ZNF385A: variants seen among roughly 807,000 people sequenced by gnomAD.
ZNF385A encodes zinc finger protein 385A, also known as hematopoietic zinc finger protein.
ZNF385A carries 14 observed loss-of-function variants against 32.1 expected under a neutral mutation model. That is an observed-to-expected ratio of 0.44 (90% CI 0.29 to 0.68). The LOEUF (loss-of-function observed/expected upper bound fraction) is 0.68. Among genes scored for constraint, ZNF385A ranks in the 30% least tolerant of loss-of-function variants. The probability of loss-of-function intolerance (pLI) is 0.14; values close to 1 mark genes in which losing one functional copy is unlikely to be tolerated. For missense variants in ZNF385A, 406 were observed against 478.4 expected, an observed-to-expected ratio of 0.85 and a Z score of 1.41; for synonymous variants, 197 against 202.7, an observed-to-expected ratio of 0.97 and a Z score of 0.24.
At chr12:54,387,644 G>A (rs1342763268), upstream of ZNF385A, among the ~76,000 whole-genome samples, 1 of 152,258 alleles carries the variant, frequency 6.6e-6, no homozygotes, top group Admixed American at 6.5e-5. Context: ...TTTCTCATCT[G>A]TCAAATGAAA....
At chr12:54,376,033 T>C (rs1235623526) in intron 1 of ZNF385A, 79 bp from the exon 2 acceptor site, 13 of 1,180,034 alleles carry the variant, frequency 1.1e-5, no homozygotes, top group African/African-American at 1.5e-5. Context: ...ATATCTGTGT[T>C]GAACCAAGGT....
Position 54,373,602 on chromosome 12 carries a change from G to A in ZNF385A, c.361+371C>T, listed in dbSNP as rs1026767828. Among the ~76,000 whole-genome samples, 4 of 152,264 alleles carry A rather than the reference G, an allele frequency of 2.6e-5. No homozygotes were observed. In the South Asian group the frequency reaches 6.2e-4, roughly 24 times the overall value. On this transcript the variant is annotated intron_variant, in intron 3 of 6. Transcript: ENST00000394313. Reference sequence around the variant, plus strand: ...CTTCCCCGAGGGGAGCCCCAGTAGGGCAGGAACTCAGATATTCTGATTCCC... The same window carrying A: ...CTTCCCCGAGGGGAGCCCCAGTAGGACAGGAACTCAGATATTCTGATTCCC...
At chr12:54,379,154 G>T (rs1383530268) in intron 1 of ZNF385A, 1 of 981,076 alleles carries the variant, frequency 1.0e-6, no homozygotes, top group African/African-American at 1.8e-5. Context: ...GGCAGGCCAG[G>T]GACGCGGCGC....
At chr12:54,381,632 G>A (rs1955187371) in intron 1 of ZNF385A, among the ~76,000 whole-genome samples, 1 of 152,166 alleles carries the variant, frequency 6.6e-6, no homozygotes. Flanking sequence ...CCCATCTTAT[G>A]ACCTAGTCAC....
chr12:54,387,009 G>A (rs1316273924), upstream of ZNF385A, among the ~76,000 whole-genome samples: 16 of 152,216 alleles, frequency 1.1e-4, no homozygotes, highest in African/African-American at 3.6e-4. Context: ...TCAGAGCTGA[G>A]ATATAGATCA....
At chr12:54,381,007 C>A (rs1955135537) in intron 1 of ZNF385A, among the ~76,000 whole-genome samples, 1 of 151,926 alleles carries the variant, frequency 6.6e-6, no homozygotes, top group African/African-American at 2.4e-5. Context: ...ACCATCCTGG[C>A]CAACATGGTG....
chr12:54,384,332 T>G, intron 1 of ZNF385A, 96 bp downstream of exon 1: 1 of 1,377,614 alleles, frequency 7.3e-7, no homozygotes, highest in East Asian at 2.7e-5. Flanking sequence ...TAAGAGGAGA[T>G]AAGGAATTAG....
rs1954394567 is a variant in ZNF385A, at chr12:54,369,304, G to C, written c.*952C>G. 6.6e-6 allele frequency: 1 copy of C among 152,342 alleles called. No individual in the cohort carries two copies. The highest frequency in any genetic ancestry group is 2.4e-5 in the African/African-American group (1 of 41,332). The allele number at this position is 152,342 out of a possible 1,614,324, so 9.4% of individuals were successfully genotyped here. A position where few individuals can be genotyped will look rare whatever the true frequency, so the allele number is the denominator to read the frequency against. On this transcript the variant is annotated 3_prime_UTR_variant, in exon 7 of 7. Coordinates refer to ENST00000394313, the MANE Select transcript of ZNF385A (RefSeq NM_015481.3). ...CGGCGGCTGAAGGGTTGACGATACG[G>C]AAACCACGGAGTCGGGGGTGGGGGA...
In ZNF385A at chr12:54,370,147, G is replaced by A. The variant is rs867290160; in HGVS notation, c.*109C>T. Reference sequence around the variant, plus strand: ...CCCCGTATCTCGGGGTGGGGGGGGGGAAGGAGAGATCATTTAGGGAGTGCC... The same window carrying A: ...CCCCGTATCTCGGGGTGGGGGGGGGAAAGGAGAGATCATTTAGGGAGTGCC... On this transcript the variant is annotated 3_prime_UTR_variant, in exon 7 of 7. Transcript: ENST00000394313. This position sits in a 1 kb window ranked among gnomAD's most constrained non-coding sequence, Gnocchi z 5.5. 5 of 815,034 alleles carry A rather than the reference G, an allele frequency of 6.1e-6. No individual in the cohort carries two copies. The African/African-American group carries it at 9.6e-5, about 16-fold the overall frequency. The allele number at this position is 815,034 out of a possible 1,614,324, so 50.5% of individuals were successfully genotyped here. A position where few individuals can be genotyped will look rare whatever the true frequency, so the allele number is the denominator to read the frequency against.
At chr12:54,372,516 C>T (rs552129595) in intron 3 of ZNF385A, among the ~76,000 whole-genome samples, 1 of 152,374 alleles carries the variant, frequency 6.6e-6, no homozygotes, top group South Asian at 2.1e-4. Flanking sequence ...AGCACATCCA[C>T]ATCTCAGTCT....
chr12:54,379,692 C>G (rs1413478300), intron 1 of ZNF385A, among the ~76,000 whole-genome samples: 2 of 152,160 alleles, frequency 1.3e-5, no homozygotes, highest in Non-Finnish European at 2.9e-5. Context: ...CTCTCAGAGA[C>G]TCCTCCAAAT....
intron 2 of ZNF385A, among the ~76,000 whole-genome samples, chr12:54,374,915 C>A (rs1311030902): frequency 6.6e-6 from 1 of 152,152 alleles, no homozygotes; most frequent in Non-Finnish European, 1.5e-5. Context: ...CCCCACCCTG[C>A]TCCACTCCCA....
intron 2 of ZNF385A, 31 bp from the exon 3 acceptor site, chr12:54,374,166 G>A (rs1442938097): frequency 6.8e-7 from 1 of 1,475,070 alleles, no homozygotes; most frequent in Non-Finnish European, 9.1e-7. Flanking sequence ...AATGGAATCT[G>A]AGATCACCTT....
At chr12:54,384,948 G>C, upstream of ZNF385A, 2 of 1,015,284 alleles carry the variant, frequency 2.0e-6, no homozygotes, top group Non-Finnish European at 2.4e-6. Context: ...TCCCCCAGGG[G>C]ATCCTAAAGC....
At chr12:54,390,853 T>TG (rs1436274068) in intron 1 of ZNF385A, among the ~76,000 whole-genome samples, 4 of 151,658 alleles carry the variant, frequency 2.6e-5, no homozygotes, top group Non-Finnish European at 5.9e-5. Context: ...GGGAAGACGC[T>TG]GGGGCGGGAG....
chr12:54,391,217 G>C, intron 1 of ZNF385A: 1 of 1,471,694 alleles, frequency 6.8e-7, no homozygotes. Flanking sequence ...GGAGCCTGGA[G>C]TCGCAGAGAC....
exon 1 of ZNF385A, chr12:54,391,270 C>T: frequency 7.3e-7 from 1 of 1,374,688 alleles, no homozygotes; most frequent in South Asian, 1.6e-5. Flanking sequence ...GCCCGGGGTT[C>T]CGCGTCGCTC....
chr12:54,375,802 CCTG>C, intron 2 of ZNF385A, 39 bp downstream of exon 2: 1 of 1,577,104 alleles, frequency 6.3e-7, no homozygotes, highest in Non-Finnish European at 8.7e-7. Context: ...CCCTGCTGCC[CCTG>C]CCCCACCCAC....
chr12:54,376,235 C>T (rs149814119), intron 1 of ZNF385A, among the ~76,000 whole-genome samples: 2 of 152,154 alleles, frequency 1.3e-5, no homozygotes, highest in African/African-American at 4.8e-5. Flanking sequence ...GGTATCTGAA[C>T]CTGGATTCCT....
Sources: allele counts gnomAD v4.1 joint callset (sites outside exome capture counted in the v4.1 genomes callset), GRCh38; gene constraint gnomAD v4.1.1; non-coding constraint Gnocchi (gnomAD v3.1); transcripts MANE v1.5; gene names NCBI Gene and HGNC (gene_info 2026-07-23, HGNC 2026-07-21).